C2orf80: variants seen among roughly 807,000 people sequenced by gnomAD.
C2orf80 encodes uncharacterized protein C2orf80.
Under a neutral mutation model 30.2 loss-of-function variants are expected in C2orf80, and 28 were observed. That is an observed-to-expected ratio of 0.93 (90% CI 0.69 to 1.27). The LOEUF is 1.27. C2orf80 is among the 50% of genes most tolerant of loss of function. The probability of loss-of-function intolerance (pLI) is 0.00; values close to 1 mark genes in which losing one functional copy is unlikely to be tolerated. For missense variants in C2orf80, 220 were observed against 231.0 expected, an observed-to-expected ratio of 0.95 and a Z score of 0.31; for synonymous variants, 80 against 76.4, an observed-to-expected ratio of 1.05 and a Z score of -0.24.
intron 6 of C2orf80, among the ~76,000 whole-genome samples, chr2:208,176,516 A>G (rs541061252): frequency 3.3e-5 from 5 of 152,322 alleles, no homozygotes; most frequent in African/African-American, 1.2e-4. Flanking sequence ...CTTGCATCTA[A>G]TGGGCAGAGG....
intron 1 of C2orf80, among the ~76,000 whole-genome samples, chr2:208,187,435 C>A (rs1696750860): frequency 6.6e-6 from 1 of 152,134 alleles, no homozygotes; most frequent in Non-Finnish European, 1.5e-5. Context: ...ATTCAACTCC[C>A]AGTGAGTTCA....
intron 6 of C2orf80, 124 bp downstream of exon 6, chr2:208,180,621 T>C: frequency 1.4e-6 from 1 of 739,554 alleles, no homozygotes; most frequent in Non-Finnish European, 2.2e-6. Flanking sequence ...TGTCTGGTTT[T>C]GTACATTTTG....
rs756670088 is a variant in C2orf80, at chr2:208,165,769, G to A, written c.*38C>T. 1 of 1,612,112 alleles carries A rather than the reference G, an allele frequency of 6.2e-7. No individual in the cohort carries two copies. The highest frequency in any genetic ancestry group is 8.5e-7 in the Non-Finnish European group (1 of 1,179,488). On this transcript the variant is annotated 3_prime_UTR_variant, in exon 9 of 9. Coordinates refer to ENST00000341287, the MANE Select transcript of C2orf80 (RefSeq NM_001099334.3). The stretch of plus-strand genomic sequence containing the variant: ...ATGATGCTTCTCGTCTGCTCCCAGA[G>A]AATCTATTATGAAGTTCCATGGTAC...
At chr2:208,167,816 T>A (rs1182859478) in intron 8 of C2orf80, among the ~76,000 whole-genome samples, 1 of 151,842 alleles carries the variant, frequency 6.6e-6, no homozygotes, top group African/African-American at 2.4e-5. Flanking sequence ...CCTCAAGTAA[T>A]CTGCTCTCCT....
intron 8 of C2orf80, among the ~76,000 whole-genome samples, chr2:208,166,244 A>G (rs887081016): frequency 5.3e-5 from 8 of 152,206 alleles, no homozygotes; most frequent in African/African-American, 1.9e-4. Flanking sequence ...GTATATATAC[A>G]TAACTTCTAA....
At chr2:208,185,380 C>T (rs933655283) in intron 2 of C2orf80, among the ~76,000 whole-genome samples, 1 of 152,108 alleles carries the variant, frequency 6.6e-6, no homozygotes, top group Non-Finnish European at 1.5e-5. Flanking sequence ...ATTTGCTTCC[C>T]GTGTTAAATT....
At chr2:208,187,927 C>T (rs1230224259) in intron 1 of C2orf80, among the ~76,000 whole-genome samples, 3 of 152,010 alleles carry the variant, frequency 2.0e-5, no homozygotes, top group Non-Finnish European at 4.4e-5. Context: ...AGGAATCTGC[C>T]AGTAGGCAGC....
intron 8 of C2orf80, among the ~76,000 whole-genome samples, chr2:208,167,969 T>C (rs909013218): frequency 3.3e-5 from 5 of 152,010 alleles, no homozygotes; most frequent in African/African-American, 1.2e-4. Flanking sequence ...AATAAGGCAT[T>C]GTTTTATCTT....
rs1257821455 is a variant in C2orf80 at position 208,189,822 on chromosome 2, A to G, written c.-76+131T>C. 7 of 653,720 alleles carry G rather than the reference A, an allele frequency of 1.1e-5. No individual in the cohort carries two copies. In the East Asian group the frequency reaches 1.7e-4, roughly 16 times the overall value. The allele number at this position is 653,720 out of a possible 1,614,324, so 40.5% of individuals were successfully genotyped here. A position where few individuals can be genotyped will look rare whatever the true frequency, so the allele number is the denominator to read the frequency against. On this transcript the variant is annotated intron_variant, in intron 1 of 8. Coordinates refer to ENST00000341287, the MANE Select transcript of C2orf80 (RefSeq NM_001099334.3). The stretch of plus-strand genomic sequence containing the variant: ...CAGAGCCCCCAAATTCTATAGGAAT[A>G]TCATTTCCTGGAGAATATCTGCACA...
chr2:208,171,075 T>C lies in C2orf80; in HGVS notation c.455-12A>G. On this transcript the variant is annotated splice_polypyrimidine_tract_variant and intron_variant, in intron 7 of 8. Transcript: ENST00000341287. ...TCTTGACTTGACACCTACAGACAGA[T>C]GCAGTAACCATATCTGTATATAAAA... 6.4e-7 allele frequency: 1 copy of C among 1,569,264 alleles called. No homozygotes were observed. Among genetic ancestry groups the C allele is most frequent in the East Asian group, 2.2e-5 (1 of 44,666 alleles).
In C2orf80 at chr2:208,184,960, T is replaced by C. The variant is rs1559344859; in HGVS notation, c.114A>G (p.Leu38=). Residue 38 remains leucine, a synonymous_variant, in exon 3 of 9, where the codon CTA becomes CTG. Transcript: ENST00000341287. The part of the protein sequence containing the change: ...DPKGRRQLTF[L]DDMAHYDLAI... ...GCGTGCCTTTCTTTACCATATCATCTAGAAAGGTGAGTTGCCGTCTTCCTT... is the reference window on the plus strand; with the variant it reads ...GCGTGCCTTTCTTTACCATATCATCCAGAAAGGTGAGTTGCCGTCTTCCTT... 1.9e-6 allele frequency: 3 copies of C among 1,613,174 alleles called. No homozygotes were observed. The highest frequency in any genetic ancestry group is 2.5e-6 in the Non-Finnish European group (3 of 1,179,326).
chr2:208,189,898 G>T (rs556540283), intron 1 of C2orf80, 55 bp downstream of exon 1: 2 of 702,000 alleles, frequency 2.8e-6, no homozygotes, highest in Non-Finnish European at 5.2e-6. Context: ...CAGGTCTCTC[G>T]GGCTGTTCTA....
At chr2:208,179,492 G>A (rs1383808221) in intron 6 of C2orf80, among the ~76,000 whole-genome samples, 1 of 152,194 alleles carries the variant, frequency 6.6e-6, no homozygotes, top group African/African-American at 2.4e-5. Flanking sequence ...AGACCTGGGC[G>A]TGAGGACGTT....
intron 6 of C2orf80, among the ~76,000 whole-genome samples, chr2:208,175,867 G>T (rs10221670): frequency 0.16 from 24,608 of 151,886 alleles, 2,151 homozygotes; most frequent in South Asian, 0.25. Context: ...TCCTGCTAAT[G>T]CCTAATTCAA....
At position 208,187,049 on chromosome 2, in the gene C2orf80, C is replaced by T; in HGVS notation, c.-63G>A. Reference sequence around the variant, plus strand: ...AACACTACACTTAGACCCAGCTTCTCTGAGTCTAGAGGCTACAGCAGCAAA... The same window carrying T: ...AACACTACACTTAGACCCAGCTTCTTTGAGTCTAGAGGCTACAGCAGCAAA... On this transcript the variant is annotated 5_prime_UTR_variant, in exon 2 of 9. Coordinates refer to ENST00000341287, the MANE Select transcript of C2orf80 (RefSeq NM_001099334.3). 23 of 1,517,406 alleles carry T rather than the reference C, an allele frequency of 1.5e-5. No homozygotes were observed. The highest frequency in any genetic ancestry group is 2.0e-5 in the Non-Finnish European group (22 of 1,092,720). The allele number at this position is 1,517,406 out of a possible 1,614,324, so 94.0% of individuals were successfully genotyped here.
chr2:208,177,488 C>T (rs1487371668), intron 6 of C2orf80, among the ~76,000 whole-genome samples: 1 of 152,010 alleles, frequency 6.6e-6, no homozygotes. Context: ...TTGCAGTGAG[C>T]CGAGATTGCA....
intron 1 of C2orf80, among the ~76,000 whole-genome samples, chr2:208,189,269 T>C (rs1259709531): frequency 2.6e-5 from 4 of 152,334 alleles, no homozygotes; most frequent in Middle Eastern, 3.4e-3. Context: ...TTACAAGTTA[T>C]AATATTTGCA....
chr2:208,168,264 T>C (rs1695966079), intron 8 of C2orf80: 1 of 217,818 alleles, frequency 4.6e-6, no homozygotes, highest in South Asian at 5.1e-5. Context: ...GGGACAGGGG[T>C]GTGAAGAAGA....
At chr2:208,173,373 T>C (rs1263995187) in intron 6 of C2orf80, among the ~76,000 whole-genome samples, 2 of 151,992 alleles carry the variant, frequency 1.3e-5, no homozygotes, top group African/African-American at 4.8e-5. Context: ...GCGTGTAATC[T>C]CAGCACTTTG....
Sources: gnomAD v4.1 joint callset for allele counts (sites outside exome capture counted in the v4.1 genomes callset) on GRCh38, gnomAD v4.1.1 for gene constraint, MANE v1.5 for transcripts, NCBI Gene and HGNC (gene_info 2026-07-23, HGNC 2026-07-21) for gene names.